Variants in ZFPM2 observed in about 807,000 individuals in gnomAD.
ZFPM2 encodes zinc finger protein ZFPM2.
A neutral mutation model predicts 98.6 loss-of-function variants in ZFPM2; 20 were observed. The ratio of observed to expected loss-of-function variants is 0.20; its 90% CI spans 0.14 to 0.29. The LOEUF is 0.29. ZFPM2 is among the 10% of genes least tolerant of loss of function. ZFPM2 has a pLI of 1.00. For synonymous variants in ZFPM2, 518 were observed against 502.7 expected, an observed-to-expected ratio of 1.03 and a Z score of -0.41; for missense variants, 1,310 against 1,388.6, an observed-to-expected ratio of 0.94 and a Z score of 0.90.
intron 2 of ZFPM2, among the ~76,000 whole-genome samples, chr8:105,420,442 A>AC (rs1233390684): frequency 1.3e-5 from 2 of 152,198 alleles, no homozygotes; most frequent in East Asian, 1.9e-4. Flanking sequence ...GGTCAGTAGA[A>AC]CCCCTGGCTC....
intron 5 of ZFPM2, chr8:105,678,661 A>G (rs1230378660): frequency 1.3e-5 from 2 of 152,172 alleles, no homozygotes; most frequent in Non-Finnish European, 2.9e-5. Context: ...TTTAACTGGA[A>G]ATTGTCCACT....
At chr8:105,632,417 A>G (rs1429040028) in intron 4 of ZFPM2, among the ~76,000 whole-genome samples, 1 of 152,122 alleles carries the variant, frequency 6.6e-6, no homozygotes, top group Non-Finnish European at 1.5e-5. Context: ...TGAGTCATCC[A>G]CTTCGGCCTC....
intron 5 of ZFPM2, among the ~76,000 whole-genome samples, chr8:105,740,541 ATT>A (rs1491447513): frequency 4.1e-5 from 6 of 147,198 alleles, no homozygotes; most frequent in Non-Finnish European, 7.5e-5. Context: ...ATATATATAT[ATT>A]ATATATATAT....
chr8:105,550,293 A>G (rs923220400), intron 3 of ZFPM2, among the ~76,000 whole-genome samples: 7 of 152,144 alleles, frequency 4.6e-5, no homozygotes, highest in Admixed American at 6.5e-5. Flanking sequence ...AGCTAATCTT[A>G]TAAATGAATC....
intron 4 of ZFPM2, among the ~76,000 whole-genome samples, chr8:105,568,641 T>G (rs371433093): frequency 6.6e-6 from 1 of 152,198 alleles, no homozygotes; most frequent in East Asian, 1.9e-4. Context: ...ACCGCTTCTC[T>G]CTTGATTATT....
Position 105,749,811 on chromosome 8 carries a change from G to C in ZFPM2, c.533-38907G>C, listed in dbSNP as rs145644489. Among the ~76,000 whole-genome samples, 638 of 152,022 alleles carry C rather than the reference G, an allele frequency of 4.2e-3. 8 individuals carry two copies. Among genetic ancestry groups the C allele is most frequent in the African/African-American group, 0.013 (558 of 41,504 alleles). ...GGAAAGAAGGAAGAGAGTGGAGGAA[G>C]GGGGGCAGAAAGGAATTTAGCTATC... On this transcript the variant is annotated intron_variant, in intron 5 of 7. Transcript: ENST00000407775.
chr8:105,484,074 C>A (rs1467052675), intron 3 of ZFPM2, among the ~76,000 whole-genome samples: 1 of 152,026 alleles, frequency 6.6e-6, no homozygotes, highest in African/African-American at 2.4e-5. Context: ...CTTTGATGTT[C>A]TGCAGTTGCA....
chr8:105,703,609 A>T (rs1457850322), intron 5 of ZFPM2, among the ~76,000 whole-genome samples: 1 of 152,152 alleles, frequency 6.6e-6, no homozygotes, highest in Non-Finnish European at 1.5e-5. Context: ...GATGCTAGAG[A>T]AGTAAACTGT....
intron 1 of ZFPM2, among the ~76,000 whole-genome samples, chr8:105,357,994 T>G (rs978610374): frequency 1.3e-5 from 2 of 152,226 alleles, no homozygotes; most frequent in African/African-American, 4.8e-5. Flanking sequence ...TTAACAAAAT[T>G]AAGCAAAGAG....
chr8:105,793,895 A>G (rs758828710), intron 6 of ZFPM2, among the ~76,000 whole-genome samples: 2 of 151,306 alleles, frequency 1.3e-5, no homozygotes, highest in Non-Finnish European at 2.9e-5. Flanking sequence ...TGCATTCTTC[A>G]CGTAGTTCTC....
At chr8:105,403,179 GGAA>G (rs1811373321) in intron 1 of ZFPM2, among the ~76,000 whole-genome samples, 1 of 151,878 alleles carries the variant, frequency 6.6e-6, no homozygotes, top group African/African-American at 2.4e-5. Flanking sequence ...CTTCAGGCCT[GGAA>G]ATTCATAATT....
chr8:105,596,653 C>T (rs1586488218), intron 4 of ZFPM2, among the ~76,000 whole-genome samples: 1 of 150,636 alleles, frequency 6.6e-6, no homozygotes, highest in East Asian at 2.0e-4. Context: ...TATTTTGTTC[C>T]TATAAGAATT....
At chr8:105,479,055 CTCTTT>C (rs1022235364) in intron 3 of ZFPM2, among the ~76,000 whole-genome samples, 1 of 152,118 alleles carries the variant, frequency 6.6e-6, no homozygotes, top group African/African-American at 2.4e-5. Flanking sequence ...GTATAACTTT[CTCTTT>C]TAAGTGTTGT....
At chr8:105,763,422 C>T (rs1364911003) in intron 5 of ZFPM2, among the ~76,000 whole-genome samples, 1 of 151,788 alleles carries the variant, frequency 6.6e-6, no homozygotes, top group African/African-American at 2.4e-5. Flanking sequence ...GGGCCAATAC[C>T]TTCTGGGACA....
intron 3 of ZFPM2, among the ~76,000 whole-genome samples, chr8:105,494,336 G>A (rs548346743): frequency 4.0e-5 from 6 of 150,514 alleles, no homozygotes; most frequent in East Asian, 2.0e-4. Flanking sequence ...TATCCATTCC[G>A]CACGCTTAAG....
intron 1 of ZFPM2, among the ~76,000 whole-genome samples, chr8:105,385,508 C>T (rs1362576674): frequency 1.3e-5 from 2 of 152,162 alleles, no homozygotes; most frequent in Non-Finnish European, 2.9e-5. Flanking sequence ...GTTGTGTGTG[C>T]TCACTGTACT....
intron 1 of ZFPM2, among the ~76,000 whole-genome samples, chr8:105,374,780 A>G (rs1404998736): frequency 6.6e-6 from 1 of 152,190 alleles, no homozygotes; most frequent in Non-Finnish European, 1.5e-5. Flanking sequence ...TGATGTGGGA[A>G]ACCACTCAGA....
intron 5 of ZFPM2, among the ~76,000 whole-genome samples, chr8:105,660,193 G>T (rs901586578): frequency 3.9e-5 from 6 of 152,030 alleles, no homozygotes; most frequent in Admixed American, 3.9e-4. Flanking sequence ...AAGGACCGAG[G>T]CTGTACTGTT....
chr8:105,795,341 T>C (rs979723622), intron 6 of ZFPM2, among the ~76,000 whole-genome samples: 25 of 141,960 alleles, frequency 1.8e-4, no homozygotes, highest in Admixed American at 1.6e-3. Flanking sequence ...TCAAGTCAGA[T>C]TCCTGAATGT....
Sources: allele counts gnomAD v4.1 joint callset (sites outside exome capture counted in the v4.1 genomes callset), GRCh38; gene constraint gnomAD v4.1.1; transcripts MANE v1.5; gene names NCBI Gene and HGNC (gene_info 2026-07-23, HGNC 2026-07-21).